The following RARB variants were observed in gnomAD, a reference collection of about 807,000 sequenced individuals.
The protein encoded by RARB is HBV-activated protein.
RARB carries 17 observed loss-of-function variants against 51.9 expected under a neutral mutation model. The ratio of observed to expected loss-of-function variants is 0.33; its 90% confidence interval spans 0.22 to 0.49. The LOEUF is 0.49. RARB is among the 20% of genes least tolerant of loss of function. The pLI, the probability that RARB is intolerant of heterozygous loss-of-function variation, is 0.99. For missense variants in RARB, 369 were observed against 550.8 expected, an observed-to-expected ratio of 0.67 and a Z score of 3.30; for synonymous variants, 215 against 195.4, an observed-to-expected ratio of 1.10 and a Z score of -0.84.
chr3:24,868,867 T>C (rs1702897093), intron 2 of RARB, among the ~76,000 whole-genome samples: 1 of 152,138 alleles, frequency 6.6e-6, no homozygotes, highest in Non-Finnish European at 1.5e-5. Flanking sequence ...ATGGCCTGCC[T>C]TTCTGGGCCA....
intron 2 of RARB, among the ~76,000 whole-genome samples, chr3:24,912,094 C>A (rs1163102284): frequency 6.6e-6 from 1 of 152,152 alleles, no homozygotes; most frequent in Non-Finnish European, 1.5e-5. Context: ...TGCTTGAGTG[C>A]CTTTTCCATG....
chr3:25,468,107 G>A (rs1394912580), intron 2 of RARB, among the ~76,000 whole-genome samples: 7 of 152,134 alleles, frequency 4.6e-5, no homozygotes, highest in East Asian at 3.9e-4. Flanking sequence ...TTGGATTCTC[G>A]GAGCATTTCT....
intron 5 of RARB, among the ~76,000 whole-genome samples, chr3:25,340,770 A>G (rs1705205025): frequency 6.6e-6 from 1 of 152,178 alleles, no homozygotes; most frequent in Admixed American, 6.6e-5. Context: ...CTGGCAAGGA[A>G]TTTTAGGGAG....
chr3:25,461,122 C>A, intron 1 of RARB, 71 bp from the exon 2 acceptor site: 5 of 1,473,024 alleles, frequency 3.4e-6, no homozygotes, highest in Non-Finnish European at 1.8e-6. Context: ...CATATGAATT[C>A]ACTGTTGAAA....
chr3:25,241,517 C>T (rs961060991), intron 5 of RARB, among the ~76,000 whole-genome samples: 7 of 152,034 alleles, frequency 4.6e-5, no homozygotes, highest in Admixed American at 6.6e-5. Flanking sequence ...TCCCTGTGCC[C>T]GTATTTTCTC....
intron 2 of RARB, among the ~76,000 whole-genome samples, chr3:24,977,021 CT>C (rs746643010): frequency 7.2e-5 from 11 of 152,222 alleles, no homozygotes; most frequent in Non-Finnish European, 1.5e-4. Flanking sequence ...ATAGGGAATC[CT>C]TTTCCCATTT....
intron 5 of RARB, chr3:25,259,081 A>G (rs911915486): frequency 1.0e-6 from 1 of 985,036 alleles, no homozygotes; most frequent in African/African-American, 1.7e-5. Flanking sequence ...GAGAAACAGT[A>G]CAGCAACCAA....
chr3:25,468,512 C>A (rs1479756482), intron 2 of RARB, among the ~76,000 whole-genome samples: 1 of 151,036 alleles, frequency 6.6e-6, no homozygotes, highest in African/African-American at 2.4e-5. Context: ...CAAGGACACA[C>A]AGCTAGCCTT....
chr3:24,923,091 G>T (rs1012800950), intron 2 of RARB, among the ~76,000 whole-genome samples: 8 of 152,156 alleles, frequency 5.3e-5, no homozygotes, highest in African/African-American at 1.9e-4. Context: ...ATTCAGACAA[G>T]GGTAAAAGGT....
chr3:24,866,603 C>G (rs1313722950), intron 2 of RARB, among the ~76,000 whole-genome samples: 2 of 152,094 alleles, frequency 1.3e-5, no homozygotes, highest in Non-Finnish European at 2.9e-5. Context: ...CCCAACCTCC[C>G]TCACCGGCCG....
intron 2 of RARB, among the ~76,000 whole-genome samples, chr3:24,944,695 C>T (rs543468285): frequency 1.2e-4 from 18 of 152,204 alleles, no homozygotes; most frequent in African/African-American, 4.1e-4. Flanking sequence ...GGTGAGTTTC[C>T]TCGGGTGACT....
At chr3:24,841,670 AT>A (rs1458083398) in intron 1 of RARB, among the ~76,000 whole-genome samples, 3 of 152,210 alleles carry the variant, frequency 2.0e-5, no homozygotes, top group Non-Finnish European at 4.4e-5. Context: ...TCTTTTAAAA[AT>A]GTCTCTAATG....
intron 5 of RARB, among the ~76,000 whole-genome samples, chr3:25,192,644 A>G (rs146252516): frequency 1.3e-5 from 2 of 152,202 alleles, no homozygotes; most frequent in East Asian, 3.9e-4. Context: ...TGCCATAATT[A>G]GGGGTTACCT....
chr3:25,233,938 T>C (rs1702243620), intron 5 of RARB, among the ~76,000 whole-genome samples: 2 of 152,074 alleles, frequency 1.3e-5, no homozygotes, highest in South Asian at 4.1e-4. Flanking sequence ...CCCAATTTTC[T>C]GATATATTAT....
At chr3:25,100,977 G>A (rs1699389838) in intron 3 of RARB, among the ~76,000 whole-genome samples, 1 of 152,156 alleles carries the variant, frequency 6.6e-6, no homozygotes, top group South Asian at 2.1e-4. Flanking sequence ...TGAAATCATG[G>A]ATTAGAAAGG....
intron 5 of RARB, among the ~76,000 whole-genome samples, chr3:25,334,901 A>G (rs1053480534): frequency 6.6e-6 from 1 of 152,024 alleles, no homozygotes. Flanking sequence ...AGCTAGCATT[A>G]TGTGTTGGTC....
intron 5 of RARB, among the ~76,000 whole-genome samples, chr3:25,393,309 G>C (rs1050238707): frequency 1.3e-5 from 2 of 150,676 alleles, no homozygotes; most frequent in African/African-American, 4.9e-5. Context: ...TTTTTTCTTT[G>C]AGGATTTTTG....
At chr3:25,408,864 T>C (rs1429158013) in intron 5 of RARB, among the ~76,000 whole-genome samples, 2 of 151,922 alleles carry the variant, frequency 1.3e-5, no homozygotes, top group African/African-American at 2.4e-5. Context: ...TGAAATGCAG[T>C]CTCTACTAAA....
intron 4 of RARB, among the ~76,000 whole-genome samples, chr3:25,153,153 T>TGTGC (rs1277480489): frequency 1.3e-5 from 2 of 152,032 alleles, no homozygotes; most frequent in African/African-American, 4.8e-5. Flanking sequence ...TGTGTGTGTG[T>TGTGC]GTGTGTGCAT....
Sources: gnomAD v4.1 joint callset for allele counts (sites outside exome capture counted in the v4.1 genomes callset) on GRCh38, gnomAD v4.1.1 for gene constraint, MANE v1.5 for transcripts, NCBI Gene and HGNC (gene_info 2026-07-23, HGNC 2026-07-21) for gene names.